Variants in STXBP5L observed in about 807,000 individuals in gnomAD.
STXBP5L encodes syntaxin binding protein 5L, also known as syntaxin-binding protein 5-like.
In STXBP5L, 65 loss-of-function variants were observed where a neutral mutation model predicts 144.5. The observed-to-expected ratio is 0.45, with a 90% CI of 0.37 to 0.55. The LOEUF (loss-of-function observed/expected upper bound fraction) is 0.55, where lower values mean the gene tolerates loss of function less well. Ranked by LOEUF, STXBP5L falls within the 20% of genes least tolerant of loss-of-function variation. The pLI, the probability that STXBP5L is intolerant of heterozygous loss-of-function variation, is 0.00. For missense variants in STXBP5L, 1,298 were observed against 1,405.5 expected, an observed-to-expected ratio of 0.92 and a Z score of 1.22; for synonymous variants, 505 against 469.6, an observed-to-expected ratio of 1.08 and a Z score of -0.97.
intron 5 of STXBP5L, among the ~76,000 whole-genome samples, chr3:121,067,601 G>A (rs760581107): frequency 6.6e-6 from 1 of 152,110 alleles, no homozygotes; most frequent in South Asian, 2.1e-4. Flanking sequence ...TAGGTTCAAT[G>A]TACTATATAT....
At chr3:121,051,475 C>A (rs1169712816) in intron 5 of STXBP5L, among the ~76,000 whole-genome samples, 1 of 152,162 alleles carries the variant, frequency 6.6e-6, no homozygotes, top group Non-Finnish European at 1.5e-5. Flanking sequence ...ACAACCTGCT[C>A]CTGAATGACT....
At chr3:121,306,597 T>C (rs1342096329) in intron 19 of STXBP5L, among the ~76,000 whole-genome samples, 1 of 152,100 alleles carries the variant, frequency 6.6e-6, no homozygotes, top group Non-Finnish European at 1.5e-5. Context: ...CCAAAGTGAC[T>C]AGCCTTATAT....
intron 20 of STXBP5L, among the ~76,000 whole-genome samples, chr3:121,346,520 T>A (rs1426928631): frequency 1.3e-5 from 2 of 152,170 alleles, no homozygotes; most frequent in East Asian, 3.9e-4. Context: ...CCCTGAGGAA[T>A]CGCCACACTG....
chr3:121,019,666 A>C (rs1945404244), intron 3 of STXBP5L, among the ~76,000 whole-genome samples: 1 of 152,192 alleles, frequency 6.6e-6, no homozygotes, highest in Non-Finnish European at 1.5e-5. Flanking sequence ...TAGATCTGGA[A>C]GAGAAATAAC....
intron 22 of STXBP5L, among the ~76,000 whole-genome samples, chr3:121,393,260 C>T (rs1279825516): frequency 2.7e-5 from 4 of 150,898 alleles, no homozygotes; most frequent in Non-Finnish European, 5.9e-5. Context: ...GTATTTTGCT[C>T]ACTTTTTAAT....
Position 121,205,926 on chromosome 3 carries a change from A to T in STXBP5L, c.881A>T (p.Lys294Ile). The T allele has an allele frequency of 6.7e-7, 1 of 1,484,432 alleles. No homozygotes were observed. The highest frequency in any genetic ancestry group is 9.0e-7 in the Non-Finnish European group (1 of 1,111,664). 92.0% of individuals were successfully genotyped at this position (1,484,432 alleles called of 1,614,324 possible). A position where few individuals can be genotyped will look rare whatever the true frequency, so the allele number is the denominator to read the frequency against. ...RPFQTTIPHG[K>I]SQREGRKSES... ...ATTAAATATTTTTTTTCTTTAGGAA[A>T]AAGTCAAAGAGAAGGAAGAAAATCT... The change falls in exon 10 of 27, where the codon AAA (lysine) becomes ATA (isoleucine). Residue 294 changes from lysine to isoleucine, a missense_variant. Physicochemically the swap from Lys to Ile is moderately radical, Grantham distance 102 (BLOSUM62 -3). Coordinates refer to ENST00000471454, the MANE Select transcript of STXBP5L (RefSeq NM_001308330.2).
At position 121,119,601 on chromosome 3, in the gene STXBP5L, A is replaced by AT. The variant is rs549690561; in HGVS notation, c.606-2032dup. 3.4e-3 allele frequency among the ~76,000 whole-genome samples: 518 copies of AT among 151,106 alleles called. 6 individuals are homozygous for AT. The highest frequency in any genetic ancestry group is 0.011 in the African/African-American group (455 of 41,382). ...ATTCATTGATAATTCTATCTAAAGA[A>AT]TTTTTTTTGTAATTTTCAGAATCCA... On this transcript the variant is annotated intron_variant, in intron 6 of 26. Coordinates refer to ENST00000471454, the MANE Select transcript of STXBP5L (RefSeq NM_001308330.2).
chr3:121,222,076 G>A (rs2048989839), intron 10 of STXBP5L, among the ~76,000 whole-genome samples: 1 of 151,886 alleles, frequency 6.6e-6, no homozygotes, highest in African/African-American at 2.4e-5. Flanking sequence ...CAAATAATTT[G>A]ATACAATAAA....
At chr3:121,313,308 T>A (rs2043621319) in intron 19 of STXBP5L, among the ~76,000 whole-genome samples, 1 of 132,246 alleles carries the variant, frequency 7.6e-6, no homozygotes, top group Admixed American at 7.3e-5. Flanking sequence ...GAGGCGCCCC[T>A]CACCTCCTGG....
At chr3:121,133,113 T>C (rs1432475648) in intron 7 of STXBP5L, among the ~76,000 whole-genome samples, 1 of 152,156 alleles carries the variant, frequency 6.6e-6, no homozygotes, top group Non-Finnish European at 1.5e-5. Context: ...CTTATGCCTG[T>C]ATTCCCTGCA....
At chr3:121,347,797 A>C (rs1371010106) in intron 20 of STXBP5L, among the ~76,000 whole-genome samples, 1 of 152,128 alleles carries the variant, frequency 6.6e-6, no homozygotes, top group Admixed American at 6.5e-5. Context: ...TGATTTTTGC[A>C]CATTGATTTT....
chr3:121,080,227 A>C (rs964133403), intron 5 of STXBP5L, among the ~76,000 whole-genome samples: 8 of 152,098 alleles, frequency 5.3e-5, no homozygotes, highest in African/African-American at 1.9e-4. Flanking sequence ...TATCTGTTAG[A>C]TGAGTCTCTT....
intron 5 of STXBP5L, among the ~76,000 whole-genome samples, chr3:121,089,036 T>G (rs2042635849): frequency 1.0e-5 from 1 of 99,514 alleles, no homozygotes; most frequent in Admixed American, 1.5e-4. Context: ...GGCACATGTA[T>G]ACCTATGTAA....
intron 18 of STXBP5L, among the ~76,000 whole-genome samples, chr3:121,271,024 A>G (rs1354184311): frequency 3.3e-5 from 5 of 152,206 alleles, no homozygotes; most frequent in African/African-American, 7.2e-5. Context: ...GTTTCCCTTC[A>G]TAGATAATAG....
At chr3:121,250,869 CA>C in intron 15 of STXBP5L, 106 bp downstream of exon 15, 2 of 920,972 alleles carry the variant, frequency 2.2e-6, no homozygotes, top group South Asian at 1.6e-5. Context: ...ATATTTTTAG[CA>C]CACATATGTG....
chr3:120,974,695 A>G (rs567089405), intron 3 of STXBP5L, among the ~76,000 whole-genome samples: 289 of 152,280 alleles, frequency 1.9e-3, no homozygotes, highest in Non-Finnish European at 3.4e-3. Context: ...TTAAGTCTTT[A>G]ATCCATCTTG....
chr3:121,279,896 T>C lies in STXBP5L; in HGVS notation c.2050T>C (p.Ser684Pro). ...CATGGGGACCATTGACCTATATAGATCAAGTGACTTATACCAGCGACAACC... is the reference window on the plus strand; with the variant it reads ...CATGGGGACCATTGACCTATATAGACCAAGTGACTTATACCAGCGACAACC... The part of the protein sequence containing the change: ...LSMGTIDLYR[S>P]SDLYQRQPRS... Residue 684 changes from serine to proline, a missense_variant, in exon 19 of 27, where the codon TCA (serine) becomes CCA (proline). By Grantham distance (74) the Ser-to-Pro change is moderately conservative. Coordinates refer to ENST00000471454, the MANE Select transcript of STXBP5L (RefSeq NM_001308330.2). 6.2e-7 allele frequency: 1 copy of C among 1,612,544 alleles called. No homozygotes were observed. The highest frequency in any genetic ancestry group is 2.2e-5 in the East Asian group (1 of 44,828).
intron 5 of STXBP5L, among the ~76,000 whole-genome samples, chr3:121,095,532 C>A (rs2043072844): frequency 6.6e-6 from 1 of 152,110 alleles, no homozygotes; most frequent in African/African-American, 2.4e-5. Flanking sequence ...TCATTTCATT[C>A]ATTTGGTCTT....
At chr3:121,067,712 G>C (rs73189309) in intron 5 of STXBP5L, among the ~76,000 whole-genome samples, 5,406 of 152,090 alleles carry the variant, frequency 0.036, 146 homozygotes, top group Middle Eastern at 0.082. Context: ...ACCGTTAAAA[G>C]CTCCCACTAT....
Sources: gnomAD v4.1 joint callset for allele counts (sites outside exome capture counted in the v4.1 genomes callset) on GRCh38, gnomAD v4.1.1 for gene constraint, MANE v1.5 for transcripts, NCBI Gene and HGNC (gene_info 2026-07-23, HGNC 2026-07-21) for gene names.